The following OSBPL6 variants were observed in gnomAD, a reference collection of about 807,000 sequenced individuals.
OSBPL6 encodes oxysterol binding protein like 6.
OSBPL6 carries 49 observed loss-of-function variants against 125.8 expected under a neutral mutation model. The ratio of observed to expected loss-of-function variants is 0.39; its 90% CI spans 0.31 to 0.49. The LOEUF is 0.49. Ranked by LOEUF, OSBPL6 falls within the 20% of genes least tolerant of loss-of-function variation. OSBPL6 has a pLI of 0.88. For missense variants in OSBPL6, 986 were observed against 1,135.4 expected, an observed-to-expected ratio of 0.87 and a Z score of 1.89; for synonymous variants, 394 against 391.8, an observed-to-expected ratio of 1.01 and a Z score of -0.07.
At chr2:178,379,413 AAG>A (rs145223260) in intron 15 of OSBPL6, among the ~76,000 whole-genome samples, 19,659 of 148,484 alleles carry the variant, frequency 0.13, 1,483 homozygotes, top group Admixed American at 0.22. Flanking sequence ...GAGGGAAAGA[AAG>A]AGAAAGAAAA....
intron 3 of OSBPL6, chr2:178,320,183 G>T: frequency 7.2e-7 from 1 of 1,389,136 alleles, no homozygotes; most frequent in Non-Finnish European, 9.6e-7. Flanking sequence ...GTGTCTCATT[G>T]TCTGTCTGTT....
chr2:178,382,784 G>A, intron 16 of OSBPL6: 3 of 1,419,772 alleles, frequency 2.1e-6, no homozygotes, highest in Non-Finnish European at 2.8e-6. Context: ...TTAAAACTTA[G>A]CCTGTCTTGT....
At chr2:178,206,803 T>C (rs1177830543) in intron 1 of OSBPL6, among the ~76,000 whole-genome samples, 1 of 152,060 alleles carries the variant, frequency 6.6e-6, no homozygotes, top group African/African-American at 2.4e-5. Context: ...TTAGTAGAGA[T>C]GGGGTTTCAC....
chr2:178,345,911 T>C (rs1233365001), intron 11 of OSBPL6, among the ~76,000 whole-genome samples: 1 of 152,180 alleles, frequency 6.6e-6, no homozygotes, highest in Non-Finnish European at 1.5e-5. Flanking sequence ...ATTTTTAAAA[T>C]TGAGAGTAGA....
chr2:178,216,276 C>G (rs1360272818), intron 1 of OSBPL6, among the ~76,000 whole-genome samples: 2 of 152,100 alleles, frequency 1.3e-5, no homozygotes, highest in Admixed American at 6.6e-5. Flanking sequence ...CTTATAACTC[C>G]CAAAGTGAAT....
intron 19 of OSBPL6, among the ~76,000 whole-genome samples, chr2:178,386,719 A>G (rs1238876858): frequency 2.4e-5 from 3 of 124,244 alleles, no homozygotes; most frequent in African/African-American, 9.5e-5. Context: ...GAATACACAC[A>G]CACAGACACA....
At chr2:178,378,191 AAT>A (rs897394788) in intron 15 of OSBPL6, among the ~76,000 whole-genome samples, 1 of 151,920 alleles carries the variant, frequency 6.6e-6, no homozygotes, top group Admixed American at 6.6e-5. Flanking sequence ...CACTGTCTTA[AAT>A]ATATATATAT....
chr2:178,228,783 A>T lies in OSBPL6; in HGVS notation c.-351+34109A>T, dbSNP rs560196573. Among the ~76,000 whole-genome samples the T allele has an allele frequency of 2.9e-4, 44 of 152,346 alleles. No homozygotes were observed. The South Asian group carries it at 8.7e-3, about 30-fold the overall frequency. On this transcript the variant is annotated intron_variant, in intron 1 of 24. Coordinates refer to ENST00000190611, the MANE Select transcript of OSBPL6 (RefSeq NM_032523.4). ...TACAGCACATCTGAACTTGGATGCTAAATTTTCATCAGAAATACTTGATCT... is the reference window on the plus strand; with the variant it reads ...TACAGCACATCTGAACTTGGATGCTTAATTTTCATCAGAAATACTTGATCT...
intron 1 of OSBPL6, among the ~76,000 whole-genome samples, chr2:178,196,817 A>G (rs1022848878): frequency 6.6e-6 from 1 of 152,226 alleles, no homozygotes; most frequent in Non-Finnish European, 1.5e-5. Flanking sequence ...TTAGGTCATA[A>G]TTATGATACT....
rs1696077289 is a variant in OSBPL6, at chr2:178,400,611, A to G, written c.*5052A>G. 1 of 152,178 alleles carries G rather than the reference A, an allele frequency of 6.6e-6. No homozygotes were observed. Among genetic ancestry groups the G allele is most frequent in the Non-Finnish European group, 1.5e-5 (1 of 68,056 alleles). The allele number at this position is 152,178 out of a possible 1,614,324, so 9.4% of individuals were successfully genotyped here. On this transcript the variant is annotated 3_prime_UTR_variant, in exon 25 of 25. Coordinates refer to ENST00000190611, the MANE Select transcript of OSBPL6 (RefSeq NM_032523.4). ...CTCAAGTTCTTTTTAAAGCTTGATT[A>G]AGGTATAACCGACATATAATACACT...
At chr2:178,356,321 T>C (rs1219704955) in intron 12 of OSBPL6, among the ~76,000 whole-genome samples, 12 of 152,186 alleles carry the variant, frequency 7.9e-5, no homozygotes, top group East Asian at 3.8e-4. Flanking sequence ...GATGACATGA[T>C]TGTATATTTA....
rs201361037 is a variant in OSBPL6, at chr2:178,289,018, T to TC, written c.-156+3897_-156+3898insC. Among the ~76,000 whole-genome samples the TC allele has an allele frequency of 7.9e-3, 1,097 of 138,330 alleles. 40 individuals are homozygous for TC. Among genetic ancestry groups the TC allele is most frequent in the African/African-American group, 0.013 (471 of 37,674 alleles). 90.7% of individuals were successfully genotyped at this position (138,330 alleles called of 152,430 possible). A position where few individuals can be genotyped will look rare whatever the true frequency, so the allele number is the denominator to read the frequency against. ...TTTGTTTTCTTTTTCTTTTTCTTCTTTTTTTTTTTTTTTTTTTGAGACAGA... is the reference window on the plus strand; with the variant it reads ...TTTGTTTTCTTTTTCTTTTTCTTCTTCTTTTTTTTTTTTTTTTTGAGACAGA... On this transcript the variant is annotated intron_variant, in intron 2 of 24. Transcript: ENST00000190611.
chr2:178,232,162 T>C (rs189444681), intron 1 of OSBPL6, among the ~76,000 whole-genome samples: 1 of 152,334 alleles, frequency 6.6e-6, no homozygotes, highest in African/African-American at 2.4e-5. Flanking sequence ...AAACATTTGC[T>C]ATATTTTGCT....
At chr2:178,328,169 CA>C in intron 4 of OSBPL6, 86 bp from the exon 5 acceptor site, 2 of 1,567,206 alleles carry the variant, frequency 1.3e-6, no homozygotes, top group Non-Finnish European at 1.7e-6. Flanking sequence ...AGTACTGCTT[CA>C]AAAGCAACTT....
chr2:178,265,583 T>C (rs1314468748), intron 1 of OSBPL6, among the ~76,000 whole-genome samples: 2 of 152,094 alleles, frequency 1.3e-5, no homozygotes, highest in Non-Finnish European at 2.9e-5. Context: ...CCTCAGCGTA[T>C]TAGAGGTTAC....
At chr2:178,216,062 C>A (rs1236197108) in intron 1 of OSBPL6, among the ~76,000 whole-genome samples, 1 of 152,114 alleles carries the variant, frequency 6.6e-6, no homozygotes, top group Non-Finnish European at 1.5e-5. Context: ...GCTAGGCAAG[C>A]ACAAAATCAA....
chr2:178,310,608 A>G (rs1294832566), intron 3 of OSBPL6, among the ~76,000 whole-genome samples: 2 of 151,532 alleles, frequency 1.3e-5, no homozygotes, highest in South Asian at 2.1e-4. Context: ...TAGTAGAGAC[A>G]GGGTTTCACC....
chr2:178,227,331 C>T (rs1323356141), intron 1 of OSBPL6, among the ~76,000 whole-genome samples: 1 of 152,162 alleles, frequency 6.6e-6, no homozygotes. Context: ...AAATATGGAT[C>T]CACAGGATCT....
rs925991001 is a variant in OSBPL6 at position 178,213,098 on chromosome 2, C to T, written c.-351+18424C>T. On this transcript the variant is annotated intron_variant, in intron 1 of 24. Transcript: ENST00000190611. ...CTGGGATTACTGGCGTGAGCCAACACGCCCGGCCGAGCACGGACCCTCTTG... is the reference window on the plus strand; with the variant it reads ...CTGGGATTACTGGCGTGAGCCAACATGCCCGGCCGAGCACGGACCCTCTTG... Among the ~76,000 whole-genome samples, 8 of 152,234 alleles carry T rather than the reference C, an allele frequency of 5.3e-5. No individual in the cohort carries two copies. The East Asian group carries it at 7.8e-4, about 15-fold the overall frequency.
Sources: allele counts gnomAD v4.1 joint callset (sites outside exome capture counted in the v4.1 genomes callset), GRCh38; gene constraint gnomAD v4.1.1; transcripts MANE v1.5; gene names NCBI Gene and HGNC (gene_info 2026-07-23, HGNC 2026-07-21).